The following MAP3K9 variants were observed in gnomAD, a reference collection of about 807,000 sequenced individuals.
MAP3K9 encodes the protein mixed lineage kinase 1 (tyr and ser/thr specificity).
MAP3K9 carries 46 observed loss-of-function variants against 95.8 expected under a neutral mutation model. The ratio of observed to expected loss-of-function variants is 0.48; its 90% CI spans 0.38 to 0.61. The LOEUF is 0.61. Ranked by LOEUF, MAP3K9 falls within the 20% of genes least tolerant of loss-of-function variation. The pLI is 0.00. For synonymous variants in MAP3K9, 533 were observed against 593.8 expected (o/e 0.90, Z 1.49); for missense variants, 1,296 against 1,474.3 (o/e 0.88, Z 1.98).
intron 5 of MAP3K9, among the ~76,000 whole-genome samples, chr14:70,744,487 C>T (rs1304256651): frequency 1.3e-5 from 2 of 152,100 alleles, no homozygotes; most frequent in Non-Finnish European, 2.9e-5. Flanking sequence ...GGTGGCTGCT[C>T]AAAAGCTAAG....
intron 3 of MAP3K9, among the ~76,000 whole-genome samples, chr14:70,755,517 G>A (rs1433901419): frequency 6.6e-6 from 1 of 152,200 alleles, no homozygotes; most frequent in African/African-American, 2.4e-5. Context: ...CTACTTTGGG[G>A]AATTCTTGTG....
In MAP3K9 at chr14:70,738,292, C is replaced by A; in HGVS notation, c.1797G>T (p.Trp599Cys). 1.2e-6 allele frequency: 2 copies of A among 1,613,758 alleles called. No individual in the cohort carries two copies. Among genetic ancestry groups the A allele is most frequent in the East Asian group, 4.5e-5 (2 of 44,858 alleles). The change falls in exon 8 of 12, where the codon TGG becomes TGT. Residue 599 changes from tryptophan to cysteine, a missense_variant. Trp to Cys is a radical substitution (Grantham distance 215, BLOSUM62 -2). Transcript: ENST00000554752. ...KRAPKKKGRT[W>C]GPGTLGQKEL... Reference sequence around the variant, plus strand: ...CCTTCTGACCAAGCGTCCCTGGCCCCCACGTCCGTCCCTTCTTCTTTGGGG... The same window carrying A: ...CCTTCTGACCAAGCGTCCCTGGCCCACACGTCCGTCCCTTCTTCTTTGGGG...
chr14:70,767,661 C>T (rs17108492), intron 2 of MAP3K9, among the ~76,000 whole-genome samples: 41,975 of 151,954 alleles, frequency 0.28, 6,339 homozygotes, highest in Admixed American at 0.33. Context: ...AACGGCCTTT[C>T]GCCTTCTATA....
intron 3 of MAP3K9, among the ~76,000 whole-genome samples, chr14:70,754,198 TTTA>T (rs1213498702): frequency 3.8e-4 from 58 of 152,342 alleles, no homozygotes; most frequent in African/African-American, 1.3e-3. Context: ...TGATGATGTA[TTTA>T]TTAACATATA....
At chr14:70,748,104 C>CAA (rs34373850) in intron 5 of MAP3K9, among the ~76,000 whole-genome samples, 29,302 of 124,962 alleles carry the variant, frequency 0.23, 3,763 homozygotes, top group East Asian at 0.34. Flanking sequence ...GAGACTGTCT[C>CAA]AAAAAAAAAA....
At chr14:70,770,166 C>T (rs907416887) in intron 2 of MAP3K9, among the ~76,000 whole-genome samples, 3 of 151,956 alleles carry the variant, frequency 2.0e-5, no homozygotes, top group African/African-American at 7.3e-5. Context: ...GAGAGTGGGA[C>T]TCTTCTGTAT....
At chr14:70,776,566 A>G (rs1345754138) in intron 2 of MAP3K9, among the ~76,000 whole-genome samples, 1 of 152,206 alleles carries the variant, frequency 6.6e-6, no homozygotes, top group Non-Finnish European at 1.5e-5. Context: ...TTAAATGTTC[A>G]CAAGTGTGAG....
intron 5 of MAP3K9, 96 bp from the exon 6 acceptor site, chr14:70,742,687 G>C: frequency 1.4e-6 from 2 of 1,408,156 alleles, no homozygotes; most frequent in Admixed American, 4.4e-5. Context: ...GGCTTATGGT[G>C]ACCTGGAGAG....
chr14:70,750,302 A>C (rs1035712092), intron 3 of MAP3K9, among the ~76,000 whole-genome samples: 4 of 152,154 alleles, frequency 2.6e-5, no homozygotes, highest in Non-Finnish European at 5.9e-5. Flanking sequence ...TTCTCCCATA[A>C]TTCCTTAGCT....
chr14:70,769,819 G>A (rs1380568165), intron 2 of MAP3K9, among the ~76,000 whole-genome samples: 1 of 152,126 alleles, frequency 6.6e-6, no homozygotes, highest in Non-Finnish European at 1.5e-5. Flanking sequence ...TTGGATTAGG[G>A]CCCATCCTAA....
At chr14:70,788,647 T>G (rs773299238) in intron 2 of MAP3K9, among the ~76,000 whole-genome samples, 1 of 152,144 alleles carries the variant, frequency 6.6e-6, no homozygotes, top group Non-Finnish European at 1.5e-5. Flanking sequence ...AGGTGTGGTG[T>G]TGTTTGGAGA....
chr14:70,732,608 G>C lies in MAP3K9; in HGVS notation c.2761C>G (p.Leu921Val), dbSNP rs2139703061. 6.2e-7 allele frequency: 1 copy of C among 1,607,310 alleles called. No individual in the cohort carries two copies. Among genetic ancestry groups the C allele is most frequent in the Admixed American group, 1.7e-5 (1 of 59,286 alleles). The change falls in exon 11 of 12, where the codon CTT becomes GTT. Residue 921 changes from leucine (L) to valine (V), a missense_variant. By Grantham distance (32) the Leu-to-Val change is conservative. This residue lies in a region of MAP3K9 where 433 missense variants were observed against 441.4 expected (regional missense o/e 0.98). Coordinates refer to ENST00000554752, the MANE Select transcript of MAP3K9 (RefSeq NM_001284230.2). ...CTGGCTAGGAGAGTCTCTGGCTTAA[G>C]GGCCCCATCAGAAGGAGTCCGCCGG... Reference protein sequence around the residue: ...SHRRTPSDGALKPETLLASRS... With the variant: ...SHRRTPSDGAVKPETLLASRS...
chr14:70,806,031 T>G (rs1566772183), intron 1 of MAP3K9, among the ~76,000 whole-genome samples: 1 of 152,268 alleles, frequency 6.6e-6, no homozygotes, highest in Non-Finnish European at 1.5e-5. Context: ...TTGCTTGACT[T>G]AATGTCTTCT....
chr14:70,738,098 G>A (rs2054010335), intron 8 of MAP3K9, 147 bp downstream of exon 8: 1 of 926,692 alleles, frequency 1.1e-6, no homozygotes. Flanking sequence ...CTTGGAGGGT[G>A]AAAAACTGTT....
At chr14:70,785,034 TA>T (rs1387337729) in intron 2 of MAP3K9, among the ~76,000 whole-genome samples, 1 of 152,168 alleles carries the variant, frequency 6.6e-6, no homozygotes, top group Non-Finnish European at 1.5e-5. Flanking sequence ...AAGGATCTCC[TA>T]TTGCAGTCTG....
chr14:70,730,494 G>A lies in MAP3K9; in HGVS notation c.3201C>T (p.Leu1067=), dbSNP rs141118749. 1.5e-4 allele frequency: 244 copies of A among 1,614,092 alleles called. No homozygotes were observed. Among genetic ancestry groups the A allele is most frequent in the African/African-American group, 1.3e-3 (95 of 75,074 alleles). ...AGPLPPTERT[L]LDLDAEGQSQ... ...TCTGCCCCTCTGCATCCAGGTCCAGGAGCGTCCGCTCAGTCGGGGGCAGCG... is the reference window on the plus strand; with the variant it reads ...TCTGCCCCTCTGCATCCAGGTCCAGAAGCGTCCGCTCAGTCGGGGGCAGCG... Residue 1067 remains leucine (L), a synonymous_variant, in exon 12 of 12, where the codon CTC becomes CTT. Coordinates refer to ENST00000554752, the MANE Select transcript of MAP3K9 (RefSeq NM_001284230.2).
intron 2 of MAP3K9, among the ~76,000 whole-genome samples, chr14:70,790,194 T>C (rs1274057926): frequency 6.6e-6 from 1 of 152,200 alleles, no homozygotes; most frequent in Non-Finnish European, 1.5e-5. Flanking sequence ...AGGGGACCAC[T>C]TGTGGGCTCC....
At chr14:70,800,635 G>A in intron 2 of MAP3K9, 32 bp downstream of exon 2, 1 of 1,596,024 alleles carries the variant, frequency 6.3e-7, no homozygotes, top group Non-Finnish European at 8.5e-7. Context: ...CAACTGCTCT[G>A]AGCCCCTCCA....
chr14:70,753,831 G>T (rs185367091), intron 3 of MAP3K9, among the ~76,000 whole-genome samples: 1 of 152,178 alleles, frequency 6.6e-6, no homozygotes, highest in African/African-American at 2.4e-5. Context: ...AGGTGGAGGA[G>T]GGGTGTTTGA....
Sources: allele counts gnomAD v4.1 joint callset (sites outside exome capture counted in the v4.1 genomes callset), GRCh38; gene constraint gnomAD v4.1.1; regional missense constraint gnomAD v4.1.1; transcripts MANE v1.5; gene names NCBI Gene and HGNC (gene_info 2026-07-23, HGNC 2026-07-21).